DOCK8: variants seen among roughly 807,000 people sequenced by gnomAD.
DOCK8 encodes the protein dedicator of cytokinesis 8, also known as dedicator of cytokinesis protein 8.
A neutral mutation model predicts 245.6 loss-of-function variants in DOCK8; 141 were observed. The ratio of observed to expected loss-of-function variants is 0.57; its 90% CI spans 0.50 to 0.66. The LOEUF (loss-of-function observed/expected upper bound fraction) is 0.66, where lower values mean the gene tolerates loss of function less well. DOCK8 is among the 30% of genes least tolerant of loss of function. DOCK8 has a pLI of 0.00. For synonymous variants in DOCK8, 1,168 were observed against 970.2 expected, an observed-to-expected ratio of 1.20 and a Z score of -3.79; for missense variants, 2,965 against 2,603.4, an observed-to-expected ratio of 1.14 and a Z score of -3.02.
intron 26 of DOCK8, among the ~76,000 whole-genome samples, chr9:404,622 T>C (rs2131532588): frequency 6.6e-6 from 1 of 152,304 alleles, no homozygotes; most frequent in East Asian, 1.9e-4. Context: ...AAGATGTACC[T>C]CAAGATTTTC....
intron 28 of DOCK8, among the ~76,000 whole-genome samples, chr9:410,102 AT>A (rs1278870576): frequency 1.3e-5 from 2 of 152,142 alleles, no homozygotes; most frequent in Non-Finnish European, 2.9e-5. Context: ...TAGGTTCCAG[AT>A]ACTCCACTAT....
Position 262,972 on chromosome 9 carries a change from C to T in DOCK8, c.54-8655C>T, listed in dbSNP as rs747345458. 1.9e-4 allele frequency among the ~76,000 whole-genome samples: 29 copies of T among 152,162 alleles called. 1 individual carries two copies. Among genetic ancestry groups the T allele is most frequent in the South Asian group, 1.2e-3 (6 of 4,820 alleles). ...CTGTAATCCCAGCACTTTGGGAGGCCGAGGCGGGTGGATCACCTGAGGTCA... is the reference window on the plus strand; with the variant it reads ...CTGTAATCCCAGCACTTTGGGAGGCTGAGGCGGGTGGATCACCTGAGGTCA... On this transcript the variant is annotated intron_variant, in intron 1 of 47. Coordinates refer to ENST00000432829, the MANE Select transcript of DOCK8 (RefSeq NM_203447.4).
At chr9:329,770 C>A (rs1408054074) in intron 9 of DOCK8, among the ~76,000 whole-genome samples, 2 of 152,208 alleles carry the variant, frequency 1.3e-5, no homozygotes, top group South Asian at 2.1e-4. Flanking sequence ...ATTAATCCGT[C>A]ATATTCTGCC....
At chr9:300,484 A>C (rs1268546594) in intron 4 of DOCK8, among the ~76,000 whole-genome samples, 2 of 152,102 alleles carry the variant, frequency 1.3e-5, no homozygotes, top group African/African-American at 4.8e-5. Context: ...AGAAGAAAAC[A>C]AATAACCAAA....
chr9:410,691 G>A (rs1482175864), intron 28 of DOCK8, among the ~76,000 whole-genome samples: 3 of 152,178 alleles, frequency 2.0e-5, no homozygotes. Flanking sequence ...ACAAGTCAAA[G>A]CAGGAAGATG....
intron 4 of DOCK8, among the ~76,000 whole-genome samples, chr9:298,227 C>T (rs567382777): frequency 6.6e-6 from 1 of 152,226 alleles, no homozygotes; most frequent in South Asian, 2.1e-4. Flanking sequence ...GAGTTCGAGA[C>T]CAGCCTGGCC....
intron 26 of DOCK8, among the ~76,000 whole-genome samples, chr9:400,063 T>TCCACCA (rs1334486965): frequency 6.1e-5 from 3 of 49,426 alleles, no homozygotes; most frequent in African/African-American, 5.4e-4. Context: ...CACCACCTCC[T>TCCACCA]TCACCATCAC....
chr9:282,445 G>T lies in DOCK8; in HGVS notation c.157-4016G>T, dbSNP rs12345523. ...TTTTTTTTTTGGTTTTCTAGAGACA[G>T]GGTCTTCCTGTCACTCAGGCTGGAG... On this transcript the variant is annotated intron_variant, in intron 2 of 47. Coordinates refer to ENST00000432829, the MANE Select transcript of DOCK8 (RefSeq NM_203447.4). Among the ~76,000 whole-genome samples the T allele has an allele frequency of 4.1e-3, 581 of 143,094 alleles. 5 individuals are homozygous for T. The highest frequency in any genetic ancestry group is 0.015 in the African/African-American group (555 of 37,948). The allele number at this position is 143,094 out of a possible 152,430, so 93.9% of individuals were successfully genotyped here. A position where few individuals can be genotyped will look rare whatever the true frequency, so the allele number is the denominator to read the frequency against.
intron 1 of DOCK8, among the ~76,000 whole-genome samples, chr9:262,889 G>C (rs1435206628): frequency 3.9e-5 from 6 of 151,974 alleles, no homozygotes; most frequent in African/African-American, 1.4e-4. Flanking sequence ...CTTTTAATTA[G>C]AGAATTTAAT....
At chr9:432,026 C>T (rs1242975338) in intron 36 of DOCK8, 140 bp from the exon 37 acceptor site, 8 of 835,744 alleles carry the variant, frequency 9.6e-6, no homozygotes, top group Non-Finnish European at 1.5e-5. Flanking sequence ...GCTCCCATTT[C>T]ATTGAGAGAA....
chr9:276,083 G>GT (rs1418137073), intron 2 of DOCK8, among the ~76,000 whole-genome samples: 1 of 151,238 alleles, frequency 6.6e-6, no homozygotes, highest in Non-Finnish European at 1.5e-5. Context: ...TAAAGACGGG[G>GT]TTTCGCCATG....
intron 15 of DOCK8, chr9:368,534 T>TG: frequency 4.1e-6 from 2 of 485,342 alleles, no homozygotes; most frequent in South Asian, 3.0e-5. Context: ...TGTTACACAC[T>TG]TACTCAAGCC....
chr9:234,305 C>A (rs916378599), intron 1 of DOCK8, among the ~76,000 whole-genome samples: 1 of 152,220 alleles, frequency 6.6e-6, no homozygotes, highest in Admixed American at 6.5e-5. Flanking sequence ...GGTAACCCGA[C>A]CTTTCTCTCT....
intron 14 of DOCK8, among the ~76,000 whole-genome samples, chr9:350,602 G>A (rs12342634): frequency 1.3e-5 from 2 of 152,044 alleles, no homozygotes; most frequent in South Asian, 2.1e-4. Flanking sequence ...TTTTAATAAC[G>A]AGCCAACCCA....
chr9:230,797 A>G (rs2047097553), intron 1 of DOCK8, among the ~76,000 whole-genome samples: 2 of 152,082 alleles, frequency 1.3e-5, no homozygotes, highest in African/African-American at 2.4e-5. Flanking sequence ...GATTCTGGAT[A>G]TTCGCCCTTT....
intron 1 of DOCK8, among the ~76,000 whole-genome samples, chr9:218,128 A>G (rs2046802960): frequency 6.6e-6 from 1 of 152,054 alleles, no homozygotes; most frequent in Non-Finnish European, 1.5e-5. Context: ...GTGCCTACCT[A>G]TTATTTTTTT....
intron 1 of DOCK8, chr9:268,192 A>G (rs901056549): frequency 6.6e-6 from 1 of 152,162 alleles, no homozygotes; most frequent in Non-Finnish European, 1.5e-5. Context: ...ATGATTCACT[A>G]TTTTCATTTT....
chr9:313,341 G>T (rs531429286), intron 6 of DOCK8, among the ~76,000 whole-genome samples: 126 of 152,284 alleles, frequency 8.3e-4, no homozygotes, highest in African/African-American at 2.9e-3. Flanking sequence ...TTTACTTAGA[G>T]CAAACTTCTG....
intron 14 of DOCK8, among the ~76,000 whole-genome samples, chr9:358,250 A>G (rs1345411396): frequency 6.6e-6 from 1 of 151,906 alleles, no homozygotes; most frequent in Non-Finnish European, 1.5e-5. Context: ...ATGCCTGGCT[A>G]ATAAAAAAAA....
Sources: gnomAD v4.1 joint callset for allele counts (sites outside exome capture counted in the v4.1 genomes callset) on GRCh38, gnomAD v4.1.1 for gene constraint, MANE v1.5 for transcripts, NCBI Gene and HGNC (gene_info 2026-07-23, HGNC 2026-07-21) for gene names.